PDE6D: variants seen among roughly 807,000 people sequenced by gnomAD.
PDE6D encodes the protein retinal rod rhodopsin-sensitive cGMP 3',5'-cyclic phosphodiesterase subunit delta.
A neutral mutation model predicts 21.9 loss-of-function variants in PDE6D; 10 were observed. The observed-to-expected ratio is 0.46, with a 90% confidence interval of 0.28 to 0.78. The LOEUF (loss-of-function observed/expected upper bound fraction) is 0.78. Among genes scored for constraint, PDE6D ranks in the 30% least tolerant of loss-of-function variants. The probability of loss-of-function intolerance (pLI) is 0.12; values close to 1 mark genes in which losing one functional copy is unlikely to be tolerated. For synonymous variants in PDE6D, 59 were observed against 63.5 expected, an observed-to-expected ratio of 0.93 and a Z score of 0.34; for missense variants, 139 against 184.8, an observed-to-expected ratio of 0.75 and a Z score of 1.44.
chr2:231,775,233 C>T (rs1438649322), intron 1 of PDE6D, among the ~76,000 whole-genome samples: 2 of 151,590 alleles, frequency 1.3e-5, no homozygotes, highest in East Asian at 1.9e-4. Flanking sequence ...ATTTTATTTT[C>T]GTACAGTGCC....
chr2:231,756,124 G>C (rs913799501), intron 1 of PDE6D, among the ~76,000 whole-genome samples: 1 of 151,864 alleles, frequency 6.6e-6, no homozygotes, highest in Non-Finnish European at 1.5e-5. Context: ...TCTTTTCATT[G>C]TAAAGAGACC....
rs186308383 is a variant in PDE6D at position 231,770,180 on chromosome 2, T to C, written c.50+10885A>G. On this transcript the variant is annotated intron_variant, in intron 1 of 4. Transcript: ENST00000287600. ...AACTATATGGACACAATCTTGTGCT[T>C]ATCAGACTTGAGTAACAACCTCCTA... 2.0e-4 allele frequency among the ~76,000 whole-genome samples: 31 copies of C among 152,346 alleles called. No homozygotes were observed. In the South Asian group the frequency reaches 2.3e-3, roughly 11 times the overall value.
intron 4 of PDE6D, among the ~76,000 whole-genome samples, chr2:231,734,453 TA>T (rs112709614): frequency 0.27 from 38,878 of 143,734 alleles, 5,159 homozygotes; most frequent in Non-Finnish European, 0.31. Context: ...TAATAAAATC[TA>T]AAAAAAAAAA....
At chr2:231,775,330 C>A (rs1268603674) in intron 1 of PDE6D, among the ~76,000 whole-genome samples, 1 of 151,966 alleles carries the variant, frequency 6.6e-6, no homozygotes, top group African/African-American at 2.4e-5. Context: ...TTATTATTGA[C>A]AGGGTCTCAC....
intron 2 of PDE6D, among the ~76,000 whole-genome samples, 181 bp downstream of exon 2, chr2:231,738,919 C>CAAAAAA (rs1157734125): frequency 2.4e-4 from 15 of 62,632 alleles, no homozygotes; most frequent in African/African-American, 5.7e-4. Context: ...GACTGTGTCT[C>CAAAAAA]AAAAAAAAAA....
At chr2:231,751,823 T>C (rs2048842394) in intron 1 of PDE6D, among the ~76,000 whole-genome samples, 1 of 152,216 alleles carries the variant, frequency 6.6e-6, no homozygotes, top group Admixed American at 6.5e-5. Context: ...CATCACCTGG[T>C]TGAGGGTACT....
chr2:231,772,317 T>G (rs1385716900), intron 1 of PDE6D, among the ~76,000 whole-genome samples: 1 of 152,214 alleles, frequency 6.6e-6, no homozygotes, highest in East Asian at 1.9e-4. Context: ...AGCTTTCATG[T>G]GTCCTACGGT....
intron 4 of PDE6D, among the ~76,000 whole-genome samples, chr2:231,734,145 C>A (rs1290206860): frequency 6.6e-6 from 1 of 151,232 alleles, no homozygotes; most frequent in African/African-American, 2.4e-5. Context: ...ACCCGGGAGG[C>A]GGAGCTTGCA....
chr2:231,733,742 T>C (rs1000462359), intron 4 of PDE6D, among the ~76,000 whole-genome samples: 1 of 152,088 alleles, frequency 6.6e-6, no homozygotes, highest in Admixed American at 6.5e-5. Context: ...CCAGAGCCTG[T>C]TTCTATGACT....
rs527257942 is a variant in PDE6D at position 231,746,395 on chromosome 2, G to A, written c.51-7207C>T. Among the ~76,000 whole-genome samples, 7 of 152,162 alleles carry A rather than the reference G, an allele frequency of 4.6e-5. No individual in the cohort carries two copies. In the South Asian group the frequency reaches 1.2e-3, roughly 27 times the overall value. On this transcript the variant is annotated intron_variant, in intron 1 of 4. Transcript: ENST00000287600. ...TGACCTCAAGCAATCCACCTGCCTC[G>A]GTCTCCCAAAGTGCTGGGATTACAG...
At chr2:231,751,122 CTT>C (rs36043938) in intron 1 of PDE6D, among the ~76,000 whole-genome samples, 5 of 68,266 alleles carry the variant, frequency 7.3e-5, no homozygotes, top group African/African-American at 1.5e-4. Flanking sequence ...CTATTCTAGT[CTT>C]TTTTTTTTAA....
At chr2:231,752,664 A>G (rs1186279108) in intron 1 of PDE6D, among the ~76,000 whole-genome samples, 2 of 151,992 alleles carry the variant, frequency 1.3e-5, no homozygotes, top group Non-Finnish European at 2.9e-5. Flanking sequence ...TAATTCCTGG[A>G]AAACCTGCTG....
At chr2:231,738,222 C>T (rs562459099) in intron 2 of PDE6D, 84 bp from the exon 3 acceptor site, 20 of 1,310,592 alleles carry the variant, frequency 1.5e-5, no homozygotes, top group Non-Finnish European at 2.1e-5. Context: ...GAGCTTCTTA[C>T]AGCTGATTTA....
intron 1 of PDE6D, among the ~76,000 whole-genome samples, chr2:231,755,626 T>TA (rs899350606): frequency 8.0e-5 from 12 of 149,092 alleles, no homozygotes; most frequent in East Asian, 7.9e-4. Flanking sequence ...ACAAGATCTC[T>TA]AAAAAAAAAG....
At chr2:231,750,417 T>C (rs2106270301) in intron 1 of PDE6D, among the ~76,000 whole-genome samples, 1 of 152,208 alleles carries the variant, frequency 6.6e-6, no homozygotes. Flanking sequence ...ATTCATATAT[T>C]ATTTGATAAA....
chr2:231,734,846 CAA>C (rs781430047), intron 4 of PDE6D, among the ~76,000 whole-genome samples: 2 of 65,078 alleles, frequency 3.1e-5, no homozygotes, highest in Non-Finnish European at 3.1e-5. Flanking sequence ...GACTCCGTCT[CAA>C]AAAAAAAAAC....
chr2:231,779,364 G>A (rs1206483561), intron 1 of PDE6D: 1 of 152,196 alleles, frequency 6.6e-6, no homozygotes, highest in Non-Finnish European at 1.5e-5. Context: ...TAAGACTGAA[G>A]GTGAGAAGCT....
At position 231,777,876 on chromosome 2, in the gene PDE6D, A is replaced by G. The variant is rs951340509; in HGVS notation, c.50+3189T>C. On this transcript the variant is annotated intron_variant, in intron 1 of 4. Coordinates refer to ENST00000287600, the MANE Select transcript of PDE6D (RefSeq NM_002601.4). ...TTCCAGGTGGATTAAAGAGCTAAACATTGAAAAGAGAAGAAAAGATAGGAT... is the reference window on the plus strand; with the variant it reads ...TTCCAGGTGGATTAAAGAGCTAAACGTTGAAAAGAGAAGAAAAGATAGGAT... Among the ~76,000 whole-genome samples, 6 of 152,256 alleles carry G rather than the reference A, an allele frequency of 3.9e-5. No homozygotes were observed. In the South Asian group the frequency reaches 1.2e-3, roughly 31 times the overall value.
chr2:231,737,563 T>C, intron 3 of PDE6D: 1 of 375,966 alleles, frequency 2.7e-6, no homozygotes, highest in Non-Finnish European at 4.8e-6. Context: ...TTCTTAGAGG[T>C]AGGCTAGATG....
Sources: allele counts gnomAD v4.1 joint callset (sites outside exome capture counted in the v4.1 genomes callset), GRCh38; gene constraint gnomAD v4.1.1; transcripts MANE v1.5; gene names NCBI Gene and HGNC (gene_info 2026-07-23, HGNC 2026-07-21).